Variants in MIA3 observed in about 807,000 individuals in gnomAD.
MIA3 encodes transport and Golgi organization protein 1 homolog.
In MIA3, 90 loss-of-function variants were observed where a neutral mutation model predicts 192.4. The observed-to-expected ratio is 0.47, with a 90% CI of 0.39 to 0.56. MIA3 has a LOEUF of 0.56. Ranked by LOEUF, MIA3 falls within the 20% of genes least tolerant of loss-of-function variation. The pLI is 0.00. For missense variants in MIA3, 2,123 were observed against 2,269.4 expected, an observed-to-expected ratio of 0.94 and a Z score of 1.31; for synonymous variants, 740 against 792.8, an observed-to-expected ratio of 0.93 and a Z score of 1.12.
chr1:222,644,728 G>A, intron 6 of MIA3: 1 of 852,188 alleles, frequency 1.2e-6, no homozygotes, highest in Non-Finnish European at 1.8e-6. Flanking sequence ...TTTCTATGCT[G>A]TTTAGGGAGG....
At chr1:222,652,885 T>G in intron 13 of MIA3, 123 bp from the exon 14 acceptor site, 1 of 1,084,638 alleles carries the variant, frequency 9.2e-7, no homozygotes, top group African/African-American at 1.6e-5. Context: ...AACCAAGGTC[T>G]TAGCCCATAG....
chr1:222,655,143 T>G (rs1170839162), intron 18 of MIA3, among the ~76,000 whole-genome samples: 1 of 152,266 alleles, frequency 6.6e-6, no homozygotes, highest in Non-Finnish European at 1.5e-5. Flanking sequence ...TAATTTCCTT[T>G]AAACAGTCTG....
At chr1:222,645,172 T>A (rs1324678285) in intron 6 of MIA3, among the ~76,000 whole-genome samples, 2 of 152,262 alleles carry the variant, frequency 1.3e-5, no homozygotes, top group African/African-American at 4.8e-5. Flanking sequence ...AAAAGTTAGT[T>A]ACTTGTATAT....
rs768078621 is a variant in MIA3, at chr1:222,650,628, A to T, written c.3721-6A>T. On this transcript the variant is annotated splice_polypyrimidine_tract_variant and splice_region_variant and intron_variant, in intron 9 of 27. Coordinates refer to ENST00000344922, the MANE Select transcript of MIA3 (RefSeq NM_198551.4). ...TTCTGGATTCTGAATGCTTTATTTT[A>T]TATAGATCAAGGAATCAAAGAAACA... 1.3e-6 allele frequency: 2 copies of T among 1,551,278 alleles called. No individual in the cohort carries two copies. Among genetic ancestry groups the T allele is most frequent in the Non-Finnish European group, 1.8e-6 (2 of 1,134,770 alleles).
intron 6 of MIA3, among the ~76,000 whole-genome samples, chr1:222,634,472 T>C (rs1662544730): frequency 6.6e-6 from 1 of 152,200 alleles, no homozygotes. Flanking sequence ...GGAAAGGGAT[T>C]GTCAGGTCTG....
chr1:222,625,625 G>T (rs950011962), intron 3 of MIA3, among the ~76,000 whole-genome samples: 4 of 152,208 alleles, frequency 2.6e-5, no homozygotes, highest in Admixed American at 2.6e-4. Flanking sequence ...TTTCAGGTGA[G>T]GTCCAGTCTC....
At position 222,660,285 on chromosome 1, in the gene MIA3, A is replaced by G. The variant is rs1338904690; in HGVS notation, c.5084A>G (p.Asn1695Ser). ...GTGAGACCTCTCTCTGCTACTCTCA[A>G]TCGAAGAGATATGCCTAGAAGTGAA... ...PPVRPLSATL[N>S]RRDMPRSEFG... is the part of the protein sequence containing the mutation. Residue 1695 changes from asparagine to serine, a missense_variant, in exon 24 of 28, where the codon AAT (asparagine) becomes AGT (serine). Transcript: ENST00000344922. 6 of 1,613,716 alleles carry G rather than the reference A, an allele frequency of 3.7e-6. No individual in the cohort carries two copies. The highest frequency in any genetic ancestry group is 1.6e-4 in the Middle Eastern group (1 of 6,068).
chr1:222,619,646 C>T (rs1350159174), intron 1 of MIA3, among the ~76,000 whole-genome samples: 3 of 152,260 alleles, frequency 2.0e-5, no homozygotes, highest in Non-Finnish European at 2.9e-5. Flanking sequence ...GTATTCTTTG[C>T]TTGCAAGCAT....
chr1:222,641,477 C>G (rs561113482), intron 6 of MIA3: 4 of 500,130 alleles, frequency 8.0e-6, no homozygotes, highest in South Asian at 5.9e-5. Flanking sequence ...TCTGGCTCAT[C>G]ATTTCCATGA....
rs894158073 is a variant in MIA3, at chr1:222,633,840, GT to G, written c.3477+597del. ...AGCCAGGGAAGCGTGGGTAGTTGGT[GT>G]TTTTTCTTTTTCTTTTTTTTTTAAA... On this transcript the variant is annotated intron_variant, in intron 6 of 27. Transcript: ENST00000344922. Among the ~76,000 whole-genome samples, 96 of 151,710 alleles carry G rather than the reference GT, an allele frequency of 6.3e-4. 1 individual carries two copies. The highest frequency in any genetic ancestry group is 2.5e-4 in the Non-Finnish European group (17 of 67,888).
In MIA3 at chr1:222,618,131, G is replaced by A; in HGVS notation, c.21G>A (p.Leu7=). 6.7e-7 allele frequency: 1 copy of A among 1,502,596 alleles called. No homozygotes were observed. The highest frequency in any genetic ancestry group is 8.9e-7 in the Non-Finnish European group (1 of 1,128,944). 93.1% of individuals were successfully genotyped at this position (1,502,596 alleles called of 1,614,324 possible). MAAAPG[L]LVWLLVLRLP... ...ACAACATGGCTGCGGCGCCTGGGCT[G>A]CTCGTCTGGCTGCTCGTGCTCCGGC... The change falls in exon 1 of 28, where the codon CTG becomes CTA. Residue 7 remains leucine, a synonymous_variant. Transcript: ENST00000344922.
At position 222,624,632 on chromosome 1, in the gene MIA3, G is replaced by A. The variant is rs1662025687; in HGVS notation, c.268-136G>A. On this transcript the variant is annotated intron_variant, in intron 2 of 27. Transcript: ENST00000344922. ...ATGTTGGAAGTGGTCTCAAATAGCG[G>A]AGAAAAGTAATGACATTACAAGAAA... 6.9e-6 allele frequency: 4 copies of A among 582,768 alleles called. No homozygotes were observed. The Admixed American group carries it at 1.1e-4, about 16-fold the overall frequency. The allele number at this position is 582,768 out of a possible 1,614,324, so 36.1% of individuals were successfully genotyped here. A position where few individuals can be genotyped will look rare whatever the true frequency, so the allele number is the denominator to read the frequency against.
chr1:222,662,589 A>C, intron 26 of MIA3: 22 of 853,656 alleles, frequency 2.6e-5, no homozygotes, highest in South Asian at 4.5e-5. Flanking sequence ...TATTGATCTT[A>C]CTTTTATCCT....
Position 222,659,496 on chromosome 1 carries a change from C to G in MIA3, c.4753C>G (p.Arg1585Gly), listed in dbSNP as rs200409921. The change falls in exon 20 of 28, where the codon CGG becomes GGG. Residue 1585 changes from arginine (R) to glycine (G), a missense_variant. Transcript: ENST00000344922. ...EMEDELQKTE[R>G]SFKNQIATHE... ...GGAGGATGAATTACAGAAGACAGAG[C>G]GGTCATTTAAAAACCAGGTAATAAT... is the stretch of plus-strand genomic sequence containing the variant. 1 of 1,613,726 alleles carries G rather than the reference C, an allele frequency of 6.2e-7. No individual in the cohort carries two copies. Among genetic ancestry groups the G allele is most frequent in the Non-Finnish European group, 8.5e-7 (1 of 1,179,720 alleles).
chr1:222,635,050 C>T (rs1252708173), intron 6 of MIA3, among the ~76,000 whole-genome samples: 1 of 152,124 alleles, frequency 6.6e-6, no homozygotes, highest in East Asian at 1.9e-4. Flanking sequence ...CATTGAATAC[C>T]TGAGGGTTTC....
intron 4 of MIA3, among the ~76,000 whole-genome samples, chr1:222,631,016 T>C (rs1662374370): frequency 1.3e-5 from 2 of 152,294 alleles, no homozygotes; most frequent in East Asian, 1.9e-4. Context: ...TGATTCCTAG[T>C]TCCTTGTTCT....
At chr1:222,634,440 G>A (rs2124861161) in intron 6 of MIA3, among the ~76,000 whole-genome samples, 1 of 152,346 alleles carries the variant, frequency 6.6e-6, no homozygotes, top group East Asian at 1.9e-4. Flanking sequence ...TGTTGGCAGA[G>A]ATCCTTGGAA....
Position 222,629,662 on chromosome 1 carries a change from C to T in MIA3, c.2442C>T (p.Arg814=), listed in dbSNP as rs1399962638. 8.1e-6 allele frequency: 13 copies of T among 1,614,030 alleles called. No homozygotes were observed. The highest frequency in any genetic ancestry group is 1.1e-5 in the Non-Finnish European group (13 of 1,180,032). Residue 814 remains arginine (R), a synonymous_variant, in exon 4 of 28, where the codon CGC becomes CGT. Coordinates refer to ENST00000344922, the MANE Select transcript of MIA3 (RefSeq NM_198551.4). Reference sequence around the variant, plus strand: ...CAAATACAATGGTGGAAAAAGAACGCCCTCTGGCAGATAAGAAAGCACAGA... The same window carrying T: ...CAAATACAATGGTGGAAAAAGAACGTCCTCTGGCAGATAAGAAAGCACAGA... ...REPNTMVEKE[R]PLADKKAQRP... is the part of the protein sequence containing the mutation.
Position 222,629,167 on chromosome 1 carries a change from C to T in MIA3, c.1947C>T (p.Pro649=). The change falls in exon 4 of 28, where the codon CCC becomes CCT. Residue 649 remains proline (P), a synonymous_variant. Coordinates refer to ENST00000344922, the MANE Select transcript of MIA3 (RefSeq NM_198551.4). ...DLPRELEDEV[P]ILGRNLPWQQ... Reference sequence around the variant, plus strand: ...CCAGAGAACTGGAAGACGAGGTTCCCATTCTGGGAAGAAATCTTCCCTGGC... The same window carrying T: ...CCAGAGAACTGGAAGACGAGGTTCCTATTCTGGGAAGAAATCTTCCCTGGC... The T allele has an allele frequency of 6.2e-7, 1 of 1,614,070 alleles. No homozygotes were observed. Among genetic ancestry groups the T allele is most frequent in the Non-Finnish European group, 8.5e-7 (1 of 1,179,990 alleles).
Sources: allele counts gnomAD v4.1 joint callset (sites outside exome capture counted in the v4.1 genomes callset), GRCh38; gene constraint gnomAD v4.1.1; transcripts MANE v1.5; gene names NCBI Gene and HGNC (gene_info 2026-07-23, HGNC 2026-07-21).